The following SAMMSON variants were observed in gnomAD, a reference collection of about 807,000 sequenced individuals.
SAMMSON encodes the protein survival associated mitochondrial melanoma specific oncogenic non-coding RNA, also known as long intergenic non-protein coding RNA 1212.
intron 4 of SAMMSON, among the ~76,000 whole-genome samples, chr3:70,199,781 T>C (rs1701219323): frequency 6.6e-6 from 1 of 152,172 alleles, no homozygotes; most frequent in Non-Finnish European, 1.5e-5. Flanking sequence ...TGCTTTAATG[T>C]TTAATAAATG....
chr3:70,339,647 GA>G (rs1429738127), intron 7 of SAMMSON, among the ~76,000 whole-genome samples: 3 of 152,134 alleles, frequency 2.0e-5, no homozygotes, highest in African/African-American at 7.2e-5. Flanking sequence ...ACAGACACAT[GA>G]AAAAATGTTC....
chr3:70,079,507 A>G (rs2067260347), intron 4 of SAMMSON, among the ~76,000 whole-genome samples: 1 of 152,192 alleles, frequency 6.6e-6, no homozygotes, highest in Non-Finnish European at 1.5e-5. Context: ...GCTGTGCTTC[A>G]AGTACCCATA....
At chr3:70,183,770 T>G (rs1701071622) in intron 4 of SAMMSON, 1 of 152,096 alleles carries the variant, frequency 6.6e-6, no homozygotes, top group Non-Finnish European at 1.5e-5. Flanking sequence ...TATGAACTAA[T>G]TCAATAAATA....
At chr3:70,300,822 G>C (rs1702340463) in intron 7 of SAMMSON, among the ~76,000 whole-genome samples, 1 of 151,998 alleles carries the variant, frequency 6.6e-6, no homozygotes, top group Middle Eastern at 3.2e-3. Context: ...CCTACAGAAT[G>C]TAGAGGTTTA....
chr3:70,344,196 C>T (rs1034979659), intron 7 of SAMMSON, among the ~76,000 whole-genome samples: 3 of 152,082 alleles, frequency 2.0e-5, no homozygotes, highest in Admixed American at 2.0e-4. Flanking sequence ...GAAAAGTTGC[C>T]TTTTGACCTG....
chr3:70,196,055 A>G (rs1350182739), intron 4 of SAMMSON, among the ~76,000 whole-genome samples: 4 of 152,210 alleles, frequency 2.6e-5, no homozygotes, highest in Non-Finnish European at 5.9e-5. Context: ...GTCTATACAA[A>G]TGATAGTTTT....
At chr3:70,393,871 T>C (rs1451048038), downstream of SAMMSON, among the ~76,000 whole-genome samples, 4 of 152,148 alleles carry the variant, frequency 2.6e-5, no homozygotes, top group Non-Finnish European at 5.9e-5. Flanking sequence ...TTACTCTACA[T>C]ACATGGAAGG....
chr3:70,124,814 C>CAAAAAAAAAAAAA (rs1208323683), intron 4 of SAMMSON, among the ~76,000 whole-genome samples: 19 of 53,684 alleles, frequency 3.5e-4, no homozygotes, highest in Non-Finnish European at 4.8e-4. Context: ...GACTCCATCT[C>CAAAAAAAAAAAAA]AAAAAAAAAA....
At chr3:70,171,368 G>A (rs1700945953) in intron 4 of SAMMSON, among the ~76,000 whole-genome samples, 1 of 151,710 alleles carries the variant, frequency 6.6e-6, no homozygotes, top group African/African-American at 2.4e-5. Context: ...GTTAGCTGAA[G>A]CTTAACTTCA....
intron 4 of SAMMSON, among the ~76,000 whole-genome samples, chr3:70,102,657 G>A (rs1168591082): frequency 6.6e-6 from 1 of 152,106 alleles, no homozygotes; most frequent in Admixed American, 6.6e-5. Context: ...GATCTTGTAC[G>A]AACAGCTCCA....
intron 4 of SAMMSON, chr3:70,126,408 A>C: frequency 1.3e-6 from 1 of 799,358 alleles, no homozygotes; most frequent in Non-Finnish European, 2.1e-6. Flanking sequence ...AATGTGGCAA[A>C]AGCTGTATGT....
At chr3:70,206,398 A>G (rs1246421404) in intron 4 of SAMMSON, among the ~76,000 whole-genome samples, 1 of 152,118 alleles carries the variant, frequency 6.6e-6, no homozygotes, top group Non-Finnish European at 1.5e-5. Flanking sequence ...CAAGCGCCTC[A>G]TAACTGCAAA....
At chr3:70,249,520 C>G (rs1320768133) in intron 5 of SAMMSON, 1 of 152,074 alleles carries the variant, frequency 6.6e-6, no homozygotes, top group African/African-American at 2.4e-5. Context: ...GATTAATCAT[C>G]CTTTCCCCTC....
intron 7 of SAMMSON, among the ~76,000 whole-genome samples, chr3:70,334,930 G>C (rs2106724594): frequency 6.6e-6 from 1 of 151,976 alleles, no homozygotes; most frequent in East Asian, 1.9e-4. Flanking sequence ...ATCCTTCCTT[G>C]TGACTTTTTT....
At chr3:70,212,957 CTTA>C (rs1190841452) in intron 4 of SAMMSON, among the ~76,000 whole-genome samples, 1 of 151,896 alleles carries the variant, frequency 6.6e-6, no homozygotes, top group African/African-American at 2.4e-5. Flanking sequence ...ACACAGCAAG[CTTA>C]TTATAGTATT....
intron 4 of SAMMSON, chr3:70,125,636 C>T (rs769024725): frequency 9.6e-5 from 67 of 699,600 alleles, no homozygotes; most frequent in Middle Eastern, 3.6e-4. Context: ...GCTGGCATGT[C>T]GGTAGATATA....
chr3:70,231,480 G>C (rs965744758), intron 4 of SAMMSON, among the ~76,000 whole-genome samples: 2 of 152,166 alleles, frequency 1.3e-5, no homozygotes, highest in African/African-American at 4.8e-5. Flanking sequence ...TGCATCACAC[G>C]TGCCGCGTAC....
At chr3:70,021,680 A>G (rs1446616780) in intron 3 of SAMMSON, among the ~76,000 whole-genome samples, 1 of 152,124 alleles carries the variant, frequency 6.6e-6, no homozygotes, top group Admixed American at 6.6e-5. Flanking sequence ...ATTAACAGGG[A>G]AAAAAACCCA....
At chr3:70,107,620 T>C (rs148198042) in intron 4 of SAMMSON, among the ~76,000 whole-genome samples, 44 of 151,872 alleles carry the variant, frequency 2.9e-4, no homozygotes, top group African/African-American at 1.0e-3. Context: ...TTTTTTTTAA[T>C]TTGAATTATT....
Sources: gnomAD v4.1 joint callset for allele counts (sites outside exome capture counted in the v4.1 genomes callset) on GRCh38, gnomAD v4.1.1 for gene constraint, MANE v1.5 for transcripts, NCBI Gene and HGNC (gene_info 2026-07-23, HGNC 2026-07-21) for gene names.